SIRPA: variants seen among roughly 807,000 people sequenced by gnomAD.
SIRPA encodes the protein signal regulatory protein alpha.
A neutral mutation model predicts 50.3 loss-of-function variants in SIRPA; 9 were observed. The observed-to-expected ratio is 0.18, with a 90% CI of 0.11 to 0.31. The LOEUF is 0.31. SIRPA is among the 10% of genes least tolerant of loss of function. SIRPA has a pLI of 1.00. For missense variants in SIRPA, 474 were observed against 661.6 expected (o/e 0.72, Z 3.11); for synonymous variants, 265 against 284.1 (o/e 0.93, Z 0.68).
intron 2 of SIRPA, among the ~76,000 whole-genome samples, chr20:1,917,709 C>T (rs1362066663): frequency 1.3e-5 from 2 of 152,150 alleles, no homozygotes; most frequent in African/African-American, 4.8e-5. Context: ...CAGCAGACCA[C>T]GTGCCCACCT....
At chr20:1,921,838 C>T (rs1231043629) in intron 3 of SIRPA, 126 bp downstream of exon 3, 2 of 787,254 alleles carry the variant, frequency 2.5e-6, no homozygotes, top group African/African-American at 3.5e-5. Context: ...TTCCTAACTG[C>T]CCACCTCCCA....
intron 2 of SIRPA, among the ~76,000 whole-genome samples, chr20:1,916,740 G>A (rs1021841161): frequency 7.2e-5 from 11 of 152,168 alleles, no homozygotes; most frequent in Admixed American, 1.3e-4. Context: ...TGATGGATAC[G>A]TAACTTGTCC....
At chr20:1,926,168 A>G (rs1449655861) in intron 5 of SIRPA, among the ~76,000 whole-genome samples, 1 of 152,172 alleles carries the variant, frequency 6.6e-6, no homozygotes, top group Non-Finnish European at 1.5e-5. Context: ...GCCAAGCCTG[A>G]TGCTTCTGTC....
At chr20:1,899,622 G>A (rs1022361219) in intron 1 of SIRPA, among the ~76,000 whole-genome samples, 1 of 152,132 alleles carries the variant, frequency 6.6e-6, no homozygotes, top group Non-Finnish European at 1.5e-5. Flanking sequence ...TTGTCTTCCT[G>A]TGTCTGAATC....
At chr20:1,913,925 C>T (rs1985059583) in intron 1 of SIRPA, among the ~76,000 whole-genome samples, 1 of 152,064 alleles carries the variant, frequency 6.6e-6, no homozygotes, top group African/African-American at 2.4e-5. Context: ...CTTGTGTGCC[C>T]CAGTGTCTCT....
rs1414385612 is a variant in SIRPA at position 1,898,158 on chromosome 20, C to G, written c.79+2632C>G. Among the ~76,000 whole-genome samples, 1 of 152,246 alleles carries G rather than the reference C, an allele frequency of 6.6e-6. No homozygotes were observed. The highest frequency in any genetic ancestry group is 2.4e-5 in the African/African-American group (1 of 41,452). ...TCAGGCTCTGGGGAGCAGCGGGGCC[C>G]CCCAGTGAACCTCTCACCGTTTGGT... On this transcript the variant is annotated intron_variant, in intron 1 of 7. Coordinates refer to ENST00000358771, the MANE Select transcript of SIRPA (RefSeq NM_001040023.2). The surrounding 1 kb of genome is among the most constrained non-coding windows in gnomAD (Gnocchi z 4.3).
At chr20:1,926,483 A>T (rs377662849) in intron 5 of SIRPA, among the ~76,000 whole-genome samples, 2 of 152,258 alleles carry the variant, frequency 1.3e-5, no homozygotes, top group East Asian at 1.9e-4. Context: ...TGGAGTTTGC[A>T]GGGCTGCAGC....
rs531324222 is a variant in SIRPA at position 1,918,325 on chromosome 20, A to AGCT, written c.436+2872_436+2874dup. ...GCGATTCTGCTTCAACCTCCCAAGT[A>AGCT]GCTGGGATTACAGGGGCACCCACCA... is the stretch of plus-strand genomic sequence containing the variant. On this transcript the variant is annotated intron_variant, in intron 2 of 7. Coordinates refer to ENST00000358771, the MANE Select transcript of SIRPA (RefSeq NM_001040023.2). 3.9e-3 allele frequency among the ~76,000 whole-genome samples: 556 copies of AGCT among 144,284 alleles called. 6 individuals are homozygous for AGCT. The highest frequency in any genetic ancestry group is 0.014 in the Middle Eastern group (4 of 276). The allele number at this position is 144,284 out of a possible 152,430, so 94.7% of individuals were successfully genotyped here. A position where few individuals can be genotyped will look rare whatever the true frequency, so the allele number is the denominator to read the frequency against.
At position 1,895,536 on chromosome 20, in the gene SIRPA, C is replaced by A. The variant is rs2122927353; in HGVS notation, c.79+10C>A. 6.9e-7 allele frequency: 1 copy of A among 1,441,158 alleles called. No homozygotes were observed. The highest frequency in any genetic ancestry group is 2.9e-5 in the Admixed American group (1 of 35,050). 89.3% of individuals were successfully genotyped at this position (1,441,158 alleles called of 1,614,324 possible). A position where few individuals can be genotyped will look rare whatever the true frequency, so the allele number is the denominator to read the frequency against. On this transcript the variant is annotated intron_variant, in intron 1 of 7. Coordinates refer to ENST00000358771, the MANE Select transcript of SIRPA (RefSeq NM_001040023.2). ...TCCTGCGCCTGGTCAGGTAAGCACC[C>A]CCCCGCTCCCCACCGCTGCACTCCC...
rs1302736387 is a variant in SIRPA at position 1,928,598 on chromosome 20, T to C, written c.1226+699T>C. Among the ~76,000 whole-genome samples the C allele has an allele frequency of 6.6e-6, 1 of 152,074 alleles. No individual in the cohort carries two copies. The highest frequency in any genetic ancestry group is 1.5e-5 in the Non-Finnish European group (1 of 68,016). ...TGATTCATGGTGTCATATCAGGTGGTGACAACTCCTACCCTGCAAGGAGAT... is the reference window on the plus strand; with the variant it reads ...TGATTCATGGTGTCATATCAGGTGGCGACAACTCCTACCCTGCAAGGAGAT... On this transcript the variant is annotated intron_variant, in intron 6 of 7. Transcript: ENST00000358771. The surrounding 1 kb of genome is among the most constrained non-coding windows in gnomAD (Gnocchi z 4.9).
rs1986126701 is a variant in SIRPA, at chr20:1,928,528, G to A, written c.1226+629G>A. ...AAGAATCAGCCCAGGCTTTCATGGG[G>A]CTCAGACGCCGGTGAGAGAAACAGG... On this transcript the variant is annotated intron_variant, in intron 6 of 7. Transcript: ENST00000358771. This position sits in a 1 kb window ranked among gnomAD's most constrained non-coding sequence, Gnocchi z 4.9. 1.3e-5 allele frequency among the ~76,000 whole-genome samples: 2 copies of A among 152,238 alleles called. No individual in the cohort carries two copies. The highest frequency in any genetic ancestry group is 2.1e-4 in the South Asian group (1 of 4,834).
In SIRPA at chr20:1,934,680, G is replaced by C. The variant is rs760931893; in HGVS notation, c.1227-35G>C. 3 of 1,609,500 alleles carry C rather than the reference G, an allele frequency of 1.9e-6. No individual in the cohort carries two copies. The highest frequency in any genetic ancestry group is 2.6e-6 in the Non-Finnish European group (3 of 1,176,018). On this transcript the variant is annotated intron_variant, in intron 6 of 7. Coordinates refer to ENST00000358771, the MANE Select transcript of SIRPA (RefSeq NM_001040023.2). The surrounding 1 kb of genome is among the most constrained non-coding windows in gnomAD (Gnocchi z 4.6). ...TTTGCATGAGCACTTGAGATAGTGAGGGTATTTTTATCTGTGTGTCTCTTT... is the reference window on the plus strand; with the variant it reads ...TTTGCATGAGCACTTGAGATAGTGACGGTATTTTTATCTGTGTGTCTCTTT...
At position 1,904,385 on chromosome 20, in the gene SIRPA, C is replaced by G. The variant is rs527371651; in HGVS notation, c.79+8859C>G. 5.1e-3 allele frequency among the ~76,000 whole-genome samples: 772 copies of G among 152,274 alleles called. 5 individuals carry two copies. The highest frequency in any genetic ancestry group is 0.018 in the African/African-American group (751 of 41,560). On this transcript the variant is annotated intron_variant, in intron 1 of 7. Transcript: ENST00000358771. ...TCTTGGCTGGGGGTTGGCTTGGAGG[C>G]CCCACCTCGAGGTTAGCCTCCCCCA... is the stretch of plus-strand genomic sequence containing the variant.
chr20:1,917,782 C>T (rs779884735), intron 2 of SIRPA, among the ~76,000 whole-genome samples: 2 of 152,104 alleles, frequency 1.3e-5, no homozygotes, highest in Admixed American at 6.6e-5. Context: ...GCTTGGGGCT[C>T]ATTGGAGCAA....
rs567465683 is a variant in SIRPA, at chr20:1,895,776, T to G, written c.79+250T>G. ...CTGTGGACTCTGACTCTGTGCACTG[T>G]GCTGGGCACTGAGACAAAAGAGCCG... On this transcript the variant is annotated intron_variant, in intron 1 of 7. Transcript: ENST00000358771. Among the ~76,000 whole-genome samples the G allele has an allele frequency of 2.6e-5, 4 of 152,312 alleles. No homozygotes were observed. The South Asian group carries it at 8.3e-4, about 32-fold the overall frequency.
chr20:1,921,458 G>A lies in SIRPA; in HGVS notation c.500G>A (p.Ser167Asn). 1 of 1,613,862 alleles carries A rather than the reference G, an allele frequency of 6.2e-7. No homozygotes were observed. Among genetic ancestry groups the A allele is most frequent in the Non-Finnish European group, 8.5e-7 (1 of 1,179,856 alleles). ...AARATPQHTV[S>N]FTCESHGFSP... ...AGGGCCACACCTCAGCACACAGTGA[G>A]CTTCACCTGCGAGTCCCACGGCTTC... Residue 167 changes from serine to asparagine, a missense_variant, in exon 3 of 8, where the codon AGC becomes AAC. Ser to Asn is a conservative substitution (Grantham distance 46). Around this residue, in one of 4 missense-constraint regions of SIRPA, gnomAD observed 221 missense variants for 359.9 expected, o/e 0.61. Coordinates refer to ENST00000358771, the MANE Select transcript of SIRPA (RefSeq NM_001040023.2).
rs958922463 is a variant in SIRPA at position 1,932,698 on chromosome 20, G to A, written c.1227-2017G>A. ...ATAGAGGTGGGGAGATCAAGGAGGA[G>A]GTTCTTCAGGAATCAGGGGAGTTCG... On this transcript the variant is annotated intron_variant, in intron 6 of 7. Coordinates refer to ENST00000358771, the MANE Select transcript of SIRPA (RefSeq NM_001040023.2). This position sits in a 1 kb window ranked among gnomAD's most constrained non-coding sequence, Gnocchi z 6.0. 2.0e-5 allele frequency among the ~76,000 whole-genome samples: 3 copies of A among 152,184 alleles called. No homozygotes were observed. The highest frequency in any genetic ancestry group is 4.4e-5 in the Non-Finnish European group (3 of 68,032).
rs764170810 is a variant in SIRPA at position 1,928,816 on chromosome 20, C to T, written c.1226+917C>T. Among the ~76,000 whole-genome samples the T allele has an allele frequency of 6.6e-6, 1 of 152,122 alleles. No individual in the cohort carries two copies. Among genetic ancestry groups the T allele is most frequent in the Non-Finnish European group, 1.5e-5 (1 of 68,022 alleles). ...AGGAAGACCCAGGTCCTCGGCATCC[C>T]GGTGTCCTTTGCAGATGCCCCTGCA... On this transcript the variant is annotated intron_variant, in intron 6 of 7. Coordinates refer to ENST00000358771, the MANE Select transcript of SIRPA (RefSeq NM_001040023.2). This position sits in a 1 kb window ranked among gnomAD's most constrained non-coding sequence, Gnocchi z 4.9.
intron 1 of SIRPA, among the ~76,000 whole-genome samples, chr20:1,901,279 T>G (rs1984192293): frequency 6.9e-6 from 1 of 144,300 alleles, no homozygotes; most frequent in Non-Finnish European, 1.5e-5. Flanking sequence ...CAAGCAATTC[T>G]CCTATCTCAG....
Sources: allele counts gnomAD v4.1 joint callset (sites outside exome capture counted in the v4.1 genomes callset), GRCh38; gene constraint gnomAD v4.1.1; regional missense constraint gnomAD v4.1.1; non-coding constraint Gnocchi (gnomAD v3.1); transcripts MANE v1.5; gene names NCBI Gene and HGNC (gene_info 2026-07-23, HGNC 2026-07-21).